Variants in ARIH2 observed in about 807,000 individuals in gnomAD.
ARIH2 encodes ariadne RBR E3 ubiquitin protein ligase 2, also known as E3 ubiquitin-protein ligase ARIH2.
ARIH2 carries 12 observed loss-of-function variants against 79.8 expected under a neutral mutation model. The observed-to-expected ratio is 0.15, with a 90% CI of 0.10 to 0.24. The LOEUF is 0.24. Among genes scored for constraint, ARIH2 ranks in the 10% least tolerant of loss-of-function variants. ARIH2 has a pLI of 1.00. For synonymous variants in ARIH2, 224 were observed against 213.9 expected (o/e 1.05, Z -0.41); for missense variants, 301 against 618.3 (o/e 0.49, Z 5.44).
At position 48,957,701 on chromosome 3, in the gene ARIH2, TTTTGTTTG is replaced by T. The variant is rs535577598; in HGVS notation, c.256-3891_256-3884del. Among the ~76,000 whole-genome samples, 67 of 152,094 alleles carry T rather than the reference TTTTGTTTG, an allele frequency of 4.4e-4. 2 individuals are homozygous for T. The East Asian group carries it at 8.7e-3, about 20-fold the overall frequency. ...ATCTAAAACAGTATCACTTCATTGT[TTTTGTTTG>T]TTTGTTTGTTTGTTTGTTTTTGAGA... On this transcript the variant is annotated intron_variant, in intron 3 of 15. Coordinates refer to ENST00000356401, the MANE Select transcript of ARIH2 (RefSeq NM_006321.4).
chr3:48,951,354 C>T (rs1426100225), intron 3 of ARIH2, among the ~76,000 whole-genome samples: 1 of 151,938 alleles, frequency 6.6e-6, no homozygotes, highest in East Asian at 1.9e-4. Flanking sequence ...GTCCAGGCTT[C>T]AGTGCAATGG....
chr3:48,964,836 C>CTA, intron 4 of ARIH2, 83 bp from the exon 5 acceptor site: 1 of 1,082,124 alleles, frequency 9.2e-7, no homozygotes, highest in South Asian at 1.3e-5. Flanking sequence ...ATGCTCTAAA[C>CTA]ATCTTTCTCT....
intron 4 of ARIH2, among the ~76,000 whole-genome samples, chr3:48,963,327 A>G (rs897082480): frequency 3.3e-5 from 5 of 152,242 alleles, no homozygotes; most frequent in Non-Finnish European, 5.9e-5. Context: ...CTCTTTCAGC[A>G]TAACTCAGGA....
intron 3 of ARIH2, among the ~76,000 whole-genome samples, chr3:48,932,207 G>C (rs1299347029): frequency 6.6e-6 from 1 of 152,092 alleles, no homozygotes; most frequent in African/African-American, 2.4e-5. Flanking sequence ...CTGTTAGTGT[G>C]GTGGGGAAGC....
intron 4 of ARIH2, 30 bp downstream of exon 4, chr3:48,961,709 T>C (rs773832423): frequency 3.3e-5 from 47 of 1,438,584 alleles, no homozygotes; most frequent in Non-Finnish European, 4.5e-5. Context: ...AGAGAGAACA[T>C]TGCCCATAGC....
intron 3 of ARIH2, among the ~76,000 whole-genome samples, chr3:48,956,493 T>G (rs1392652476): frequency 7.5e-6 from 1 of 132,876 alleles, no homozygotes; most frequent in East Asian, 2.3e-4. Flanking sequence ...GGTTTTGCTG[T>G]GTTGCCAGGC....
chr3:48,978,501 A>G (rs1228099033), intron 11 of ARIH2, among the ~76,000 whole-genome samples: 2 of 124,598 alleles, frequency 1.6e-5, no homozygotes, highest in African/African-American at 3.2e-5. Context: ...TTTTTTTGGT[A>G]GAGACGGGTG....
Position 48,985,315 on chromosome 3 carries a change from C to T in ARIH2, c.*2045C>T, listed in dbSNP as rs1225510847. 4 of 152,022 alleles carry T rather than the reference C, an allele frequency of 2.6e-5. No individual in the cohort carries two copies. The highest frequency in any genetic ancestry group is 5.9e-5 in the Non-Finnish European group (4 of 68,000). The allele number at this position is 152,022 out of a possible 1,614,324, so 9.4% of individuals were successfully genotyped here. On this transcript the variant is annotated 3_prime_UTR_variant, in exon 16 of 16. Transcript: ENST00000356401. ...TAGCTCTTGGCCTGTGTAGAGCCCC[C>T]TCCTGTGCCCTCAGTGGCTGTCGTT... is the stretch of plus-strand genomic sequence containing the variant.
intron 3 of ARIH2, among the ~76,000 whole-genome samples, chr3:48,960,248 TATA>T (rs966756792): frequency 1.3e-5 from 2 of 152,166 alleles, no homozygotes; most frequent in Non-Finnish European, 2.9e-5. Flanking sequence ...CAATTACGAT[TATA>T]ACATGTAGAT....
intron 3 of ARIH2, among the ~76,000 whole-genome samples, chr3:48,933,687 C>G (rs962642041): frequency 6.6e-6 from 1 of 151,424 alleles, no homozygotes; most frequent in Non-Finnish European, 1.5e-5. Flanking sequence ...GTAGCTGGGA[C>G]TACAGGTGCC....
intron 11 of ARIH2, among the ~76,000 whole-genome samples, chr3:48,976,964 G>A (rs1368875142): frequency 6.6e-6 from 1 of 151,964 alleles, no homozygotes; most frequent in Non-Finnish European, 1.5e-5. Context: ...ACTTTGGGAG[G>A]CCGAGGTGGG....
chr3:48,946,905 T>C (rs990578987), intron 3 of ARIH2, among the ~76,000 whole-genome samples: 3 of 152,272 alleles, frequency 2.0e-5, no homozygotes, highest in East Asian at 3.9e-4. Flanking sequence ...TTGCCCCCAC[T>C]TTTCTACCTT....
intron 3 of ARIH2, chr3:48,934,891 T>C: frequency 1.0e-6 from 1 of 985,404 alleles, no homozygotes; most frequent in Non-Finnish European, 1.2e-6. Flanking sequence ...CTAGTCTTTT[T>C]GTTGTGCTTT....
At chr3:48,970,550 G>A in intron 7 of ARIH2, 45 bp from the exon 8 acceptor site, 1 of 1,315,068 alleles carries the variant, frequency 7.6e-7, no homozygotes, top group Non-Finnish European at 1.1e-6. Context: ...TTTTTAGACA[G>A]CAACTAAGAG....
At chr3:48,951,950 A>G (rs142755037) in intron 3 of ARIH2, among the ~76,000 whole-genome samples, 2 of 152,046 alleles carry the variant, frequency 1.3e-5, no homozygotes, top group African/African-American at 4.8e-5. Context: ...ACTTCGTTTT[A>G]ACTTAGTCAT....
rs377534759 is a variant in ARIH2, at chr3:48,976,402, G to A, written c.961+1423G>A. ...ATTTTTATATTCTTAGTATAGATGC[G>A]GTTTCACCATGTTGGCCAGGCTGGT... On this transcript the variant is annotated intron_variant, in intron 11 of 15. Transcript: ENST00000356401. Among the ~76,000 whole-genome samples, 39 of 151,886 alleles carry A rather than the reference G, an allele frequency of 2.6e-4. No individual in the cohort carries two copies. The South Asian group carries it at 2.9e-3, about 11-fold the overall frequency.
chr3:48,970,729 C>G (rs1457657280), intron 8 of ARIH2, 25 bp downstream of exon 8: 2 of 1,564,326 alleles, frequency 1.3e-6, no homozygotes, highest in Non-Finnish European at 1.8e-6. Context: ...GAGTGCTGAG[C>G]AGCCCTGGGC....
chr3:48,969,736 G>A (rs1179832182), intron 7 of ARIH2, among the ~76,000 whole-genome samples: 1 of 151,812 alleles, frequency 6.6e-6, no homozygotes, highest in Non-Finnish European at 1.5e-5. Context: ...CCATTCACCC[G>A]ATGCAGCATA....
rs546060474 is a variant in ARIH2, at chr3:48,976,451, T to C, written c.961+1472T>C. ...GTCTCGAACTTCTGACCCCAGGCAA[T>C]CCGCCTGCCTCGACCTCCCAAAGTG... On this transcript the variant is annotated intron_variant, in intron 11 of 15. Transcript: ENST00000356401. Among the ~76,000 whole-genome samples, 26 of 152,142 alleles carry C rather than the reference T, an allele frequency of 1.7e-4. 1 individual carries two copies. The South Asian group carries it at 5.4e-3, about 32-fold the overall frequency.
Sources: gnomAD v4.1 joint callset for allele counts (sites outside exome capture counted in the v4.1 genomes callset) on GRCh38, gnomAD v4.1.1 for gene constraint, MANE v1.5 for transcripts, NCBI Gene and HGNC (gene_info 2026-07-23, HGNC 2026-07-21) for gene names.